SGSH: variants seen among roughly 807,000 people sequenced by gnomAD.
SGSH encodes heparan sulfate sulfatase.
SGSH carries 48 observed loss-of-function variants against 51.0 expected under a neutral mutation model. The observed-to-expected ratio is 0.94, with a 90% CI of 0.75 to 1.20. The LOEUF is 1.20. Ranked by LOEUF, SGSH falls within the 50% of genes most tolerant of loss-of-function variation. The pLI, the probability that SGSH is intolerant of heterozygous loss-of-function variation, is 0.00. For missense variants in SGSH, 662 were observed against 717.8 expected, an observed-to-expected ratio of 0.92 and a Z score of 0.89; for synonymous variants, 321 against 313.4, an observed-to-expected ratio of 1.02 and a Z score of -0.26.
chr17:80,208,525 C>T (rs2041481221), downstream of SGSH: 2 of 541,176 alleles, frequency 3.7e-6, no homozygotes, highest in South Asian at 2.9e-5. Flanking sequence ...ACAGTGAAGC[C>T]ACTTGTAACT....
the SGSH span, chr17:80,201,597 G>A: frequency 2.6e-6 from 2 of 782,746 alleles, no homozygotes; most frequent in Admixed American, 1.9e-5. The surrounding 1 kb of genome is among the most constrained non-coding windows in gnomAD (Gnocchi z 5.0). Context: ...GCTCTGGTGT[G>A]TGGCTTTGTT....
At position 80,217,206 on chromosome 17, in the gene SGSH, GAGAC is replaced by G. The variant is rs768357480; in HGVS notation, c.89-18_89-15del. On this transcript the variant is annotated splice_polypyrimidine_tract_variant and intron_variant, in intron 1 of 7. Coordinates refer to ENST00000326317, the MANE Select transcript of SGSH (RefSeq NM_000199.5). ...CTCCGTCATCCGCTGCGTGAGGTGG[GAGAC>G]AGAGAGTGCACGGTCGGCTGCGGTC... 9.8e-5 allele frequency: 157 copies of G among 1,594,252 alleles called. No homozygotes were observed. The highest frequency in any genetic ancestry group is 1.3e-4 in the Non-Finnish European group (154 of 1,176,018).
intron 2 of SGSH, 25 bp from the exon 3 acceptor site, chr17:80,215,163 C>CG: frequency 1.2e-5 from 19 of 1,578,878 alleles, no homozygotes; most frequent in Non-Finnish European, 1.6e-5. Context: ...GCATGAGGTC[C>CG]GGGGCCCCCG....
At chr17:80,204,492 C>T (rs957979466), downstream of SGSH, 11 of 686,046 alleles carry the variant, frequency 1.6e-5, no homozygotes, top group East Asian at 8.8e-5. Context: ...GGTGTGGTGG[C>T]GCACACCTGT....
chr17:80,201,678 C>T, the SGSH span: 3 of 1,592,800 alleles, frequency 1.9e-6, no homozygotes, highest in Admixed American at 5.0e-5. The surrounding 1 kb of genome is among the most constrained non-coding windows in gnomAD (Gnocchi z 5.0). Flanking sequence ...CCCTCAGCGC[C>T]TTCTGTCTTC....
At chr17:80,216,475 T>C (rs1175536067) in intron 2 of SGSH, among the ~76,000 whole-genome samples, 1 of 152,194 alleles carries the variant, frequency 6.6e-6, no homozygotes, top group African/African-American at 2.4e-5. Flanking sequence ...GGAAAAGTTC[T>C]GGAGATGGAT....
downstream of SGSH, chr17:80,202,256 G>A: frequency 1.2e-6 from 2 of 1,614,018 alleles, no homozygotes; most frequent in Non-Finnish European, 1.7e-6. Flanking sequence ...GGGTCAACCT[G>A]GCCATGGAGG....
chr17:80,209,240 A>G (rs2041524828), downstream of SGSH: 1 of 865,360 alleles, frequency 1.2e-6, no homozygotes, highest in Non-Finnish European at 1.4e-6. Flanking sequence ...AAGAATCAGG[A>G]AGCTGTTCTA....
chr17:80,205,055 G>A (rs2041211424), downstream of SGSH: 2 of 1,603,830 alleles, frequency 1.2e-6, no homozygotes, highest in Non-Finnish European at 8.5e-7. Context: ...GTGCTTCTGG[G>A]CCGAGAGCTG....
intron 4 of SGSH, 66 bp from the exon 5 acceptor site, chr17:80,214,394 G>A (rs572629117): frequency 3.1e-4 from 481 of 1,549,182 alleles, no homozygotes; most frequent in Admixed American, 1.5e-3. Flanking sequence ...GAAGCCCCTC[G>A]GCTCTGCCTC....
intron 7 of SGSH, 176 bp from the exon 8 acceptor site, chr17:80,211,187 C>T: frequency 6.7e-7 from 1 of 1,483,462 alleles, no homozygotes; most frequent in Middle Eastern, 2.4e-4. Context: ...GGCCTCAGTG[C>T]CTTGAATGGT....
chr17:80,210,657 C>T lies in SGSH; in HGVS notation c.1304G>A (p.Arg435His), dbSNP rs370528435. ...KDLRHYYYRARWELYDRSRDP... is the reference protein window; with the variant it reads ...KDLRHYYYRAHWELYDRSRDP... ...CCGGCTCCGGTCGTAGAGCTCCCAG[C>T]GCGCCCGGTAGTAGTAATGACGGAG... Residue 435 changes from arginine to histidine, a missense_variant, in exon 8 of 8, where the codon CGC becomes CAC. By Grantham distance (29) the Arg-to-His change is conservative. Coordinates refer to ENST00000326317, the MANE Select transcript of SGSH (RefSeq NM_000199.5). 2.3e-5 allele frequency: 37 copies of T among 1,614,008 alleles called. No homozygotes were observed. Among genetic ancestry groups the T allele is most frequent in the Middle Eastern group, 1.6e-4 (1 of 6,062 alleles).
At chr17:80,208,456 GC>G, downstream of SGSH, 1 of 1,026,144 alleles carries the variant, frequency 9.7e-7, no homozygotes, top group African/African-American at 1.6e-5. Flanking sequence ...GGCACATGAG[GC>G]CGGCTCTCCC....
In SGSH at chr17:80,212,368, G is replaced by A. The variant is rs896799206; in HGVS notation, c.746-94C>T. ...GACCCACCTGCTGCTGCATCCGGCCGCTGGGCTCCAGCGCTTTCCGGATTC... is the reference window on the plus strand; with the variant it reads ...GACCCACCTGCTGCTGCATCCGGCCACTGGGCTCCAGCGCTTTCCGGATTC... On this transcript the variant is annotated intron_variant, in intron 6 of 7. Transcript: ENST00000326317. This position sits in a 1 kb window ranked among gnomAD's most constrained non-coding sequence, Gnocchi z 5.9. The A allele has an allele frequency of 1.1e-5, 12 of 1,124,570 alleles. No homozygotes were observed. The highest frequency in any genetic ancestry group is 5.1e-5 in the East Asian group (2 of 39,090). 69.7% of individuals were successfully genotyped at this position (1,124,570 alleles called of 1,614,324 possible).
At position 80,209,468 on chromosome 17, in the gene SGSH, G is replaced by C; in HGVS notation, c.*984C>G. Reference sequence around the variant, plus strand: ...CGAGGGGTGTCCAGGCCGGGCTTCTGCTCCCGAGGTGGGTGGAGGCAGGGC... The same window carrying C: ...CGAGGGGTGTCCAGGCCGGGCTTCTCCTCCCGAGGTGGGTGGAGGCAGGGC... On this transcript the variant is annotated 3_prime_UTR_variant, in exon 8 of 8. Transcript: ENST00000326317. 1.0e-6 allele frequency: 1 copy of C among 985,604 alleles called. No homozygotes were observed. Among genetic ancestry groups the C allele is most frequent in the Non-Finnish European group, 1.2e-6 (1 of 830,090 alleles). The allele number at this position is 985,604 out of a possible 1,614,324, so 61.1% of individuals were successfully genotyped here.
At chr17:80,205,694 A>G (rs188518928), downstream of SGSH, 1 of 1,501,540 alleles carries the variant, frequency 6.7e-7, no homozygotes, top group African/African-American at 1.4e-5. Context: ...TGTCCTGGGA[A>G]GGGTTTCAGG....
At position 80,213,928 on chromosome 17, in the gene SGSH, G is replaced by T. The variant is rs528044353; in HGVS notation, c.664-43C>A. ...GAGCCAGGCTTAGAACAGACAGACC[G>T]GGGGAGCGGTGTCCAGCCTTCTCCC... On this transcript the variant is annotated intron_variant, in intron 5 of 7. Coordinates refer to ENST00000326317, the MANE Select transcript of SGSH (RefSeq NM_000199.5). This position sits in a 1 kb window ranked among gnomAD's most constrained non-coding sequence, Gnocchi z 4.6. The T allele has an allele frequency of 1.9e-6, 3 of 1,554,786 alleles. No individual in the cohort carries two copies. The highest frequency in any genetic ancestry group is 1.3e-5 in the African/African-American group (1 of 74,414).
Position 80,210,376 on chromosome 17 carries a change from G to A in SGSH, c.*76C>T. The A allele has an allele frequency of 1.0e-5, 15 of 1,481,368 alleles. No individual in the cohort carries two copies. The highest frequency in any genetic ancestry group is 1.3e-5 in the Non-Finnish European group (15 of 1,115,714). 91.8% of individuals were successfully genotyped at this position (1,481,368 alleles called of 1,614,324 possible). The stretch of plus-strand genomic sequence containing the variant: ...AAGGGCTGTTGCCACTACTCCCCAG[G>A]CTGGCCGGCCACACGGACACGTGTG... On this transcript the variant is annotated 3_prime_UTR_variant, in exon 8 of 8. Transcript: ENST00000326317.
chr17:80,205,045 G>A (rs115102551), downstream of SGSH: 1,993 of 1,597,356 alleles, frequency 1.2e-3, 22 homozygotes, highest in African/African-American at 0.024. Flanking sequence ...GCTCCAGCAC[G>A]TGCTTCTGGG....
Sources: gnomAD v4.1 joint callset for allele counts (sites outside exome capture counted in the v4.1 genomes callset) on GRCh38, gnomAD v4.1.1 for gene constraint, Gnocchi (gnomAD v3.1) non-coding constraint, MANE v1.5 for transcripts, NCBI Gene and HGNC (gene_info 2026-07-23, HGNC 2026-07-21) for gene names.